Variants in LARGE1 observed in about 807,000 individuals in gnomAD.
LARGE1 encodes the protein xylosyl- and glucuronyltransferase LARGE1.
Under a neutral mutation model 87.6 loss-of-function variants are expected in LARGE1, and 43 were observed. The observed-to-expected ratio is 0.49, with a 90% confidence interval of 0.38 to 0.63. LARGE1 has a LOEUF of 0.63. Among genes scored for constraint, LARGE1 ranks in the 30% least tolerant of loss-of-function variants. The pLI is 0.00. For synonymous variants in LARGE1, 434 were observed against 394.6 expected (o/e 1.10, Z -1.18); for missense variants, 802 against 1,000.2 (o/e 0.80, Z 2.67).
At chr22:33,880,631 C>A (rs1166649209) in intron 1 of LARGE1, among the ~76,000 whole-genome samples, 1 of 152,176 alleles carries the variant, frequency 6.6e-6, no homozygotes, top group African/African-American at 2.4e-5. Context: ...CCACCCCACA[C>A]AAATGATGTG....
At chr22:33,703,520 A>T (rs2149377776) in intron 2 of LARGE1, among the ~76,000 whole-genome samples, 1 of 152,332 alleles carries the variant, frequency 6.6e-6, no homozygotes, top group East Asian at 1.9e-4. Context: ...TAGAGGTGGA[A>T]GATGATCCCA....
At chr22:33,908,054 A>T (rs773875195) in intron 1 of LARGE1, among the ~76,000 whole-genome samples, 1 of 152,130 alleles carries the variant, frequency 6.6e-6, no homozygotes, top group Admixed American at 6.5e-5. Context: ...ATTCCGGAAT[A>T]CTTTGAGAGG....
At chr22:33,233,182 GGA>G (rs1926092366) in intron 11 of LARGE1, among the ~76,000 whole-genome samples, 1 of 152,072 alleles carries the variant, frequency 6.6e-6, no homozygotes, top group South Asian at 2.1e-4. Context: ...TAGACTCTGG[GGA>G]GAGAGAGAAC....
chr22:33,666,303 C>G (rs1309606662), intron 2 of LARGE1, among the ~76,000 whole-genome samples: 1 of 152,174 alleles, frequency 6.6e-6, no homozygotes, highest in Admixed American at 6.5e-5. Context: ...TTATTACACT[C>G]AGAGGGCAAG....
At chr22:33,556,560 G>GAGGGAGGGAGGGAGGGAGGGAGGA (rs1213839317) in intron 6 of LARGE1, among the ~76,000 whole-genome samples, 1 of 76,858 alleles carries the variant, frequency 1.3e-5, no homozygotes, top group Admixed American at 1.3e-4. Context: ...GGGAGGGAGG[G>GAGGGAGGGAGGGAGGGAGGGAGGA]AGGGAGGCAG....
At chr22:33,877,466 T>G (rs1482865527) in intron 1 of LARGE1, among the ~76,000 whole-genome samples, 1 of 152,218 alleles carries the variant, frequency 6.6e-6, no homozygotes, top group Non-Finnish European at 1.5e-5. Context: ...CTTCATTGAA[T>G]GACTTTGGGC....
intron 9 of LARGE1, among the ~76,000 whole-genome samples, chr22:33,340,656 C>T (rs1939042073): frequency 1.3e-5 from 2 of 152,032 alleles, no homozygotes; most frequent in South Asian, 4.1e-4. Context: ...GTGGCCACTG[C>T]TCATGCCCTT....
chr22:33,474,414 C>T (rs1447383659), intron 6 of LARGE1, among the ~76,000 whole-genome samples: 2 of 152,180 alleles, frequency 1.3e-5, no homozygotes, highest in African/African-American at 2.4e-5. Flanking sequence ...CCACCTGCCT[C>T]GGCCTCCCAA....
At chr22:33,589,149 C>T (rs769647497) in intron 5 of LARGE1, among the ~76,000 whole-genome samples, 9 of 152,188 alleles carry the variant, frequency 5.9e-5, no homozygotes, top group African/African-American at 1.9e-4. Context: ...CTAGGGCCCA[C>T]GGCTAGGCTG....
At chr22:33,298,608 A>T (rs1162689568) in intron 12 of LARGE1, among the ~76,000 whole-genome samples, 2 of 152,206 alleles carry the variant, frequency 1.3e-5, no homozygotes, top group African/African-American at 2.4e-5. Context: ...GCACTGCTTG[A>T]GCCCAGGAGT....
chr22:33,128,895 T>A, the LARGE1 span, among the ~76,000 whole-genome samples: 12 of 151,812 alleles, frequency 7.9e-5, no homozygotes, highest in African/African-American at 2.9e-4. Context: ...AGCTGAACAA[T>A]GAGAACACAT....
At chr22:33,498,685 A>G (rs1193536038) in intron 6 of LARGE1, among the ~76,000 whole-genome samples, 1 of 152,214 alleles carries the variant, frequency 6.6e-6, no homozygotes, top group Non-Finnish European at 1.5e-5. Flanking sequence ...ATAAAAAATA[A>G]AACAGGCCAG....
At chr22:33,549,527 C>T (rs2077461557) in intron 6 of LARGE1, among the ~76,000 whole-genome samples, 3 of 152,250 alleles carry the variant, frequency 2.0e-5, no homozygotes, top group Admixed American at 2.0e-4. Flanking sequence ...GTGTATCCTT[C>T]TAGATCCAGG....
rs910718853 is a variant in LARGE1, at chr22:33,266,935, T to C, written c.1730+37294A>G. On this transcript the variant is annotated intron_variant, in intron 11 of 11. Coordinates refer to the LARGE1 transcript ENST00000608642. The stretch of plus-strand genomic sequence containing the variant: ...ATCTCACCAAGCCTCAGTTTCCTCG[T>C]CTAGTAAATAATATCTTCTCATGGC... Among the ~76,000 whole-genome samples the C allele has an allele frequency of 9.2e-5, 14 of 151,528 alleles. 1 individual carries two copies. The highest frequency in any genetic ancestry group is 3.4e-4 in the African/African-American group (14 of 40,938).
intron 1 of LARGE1, among the ~76,000 whole-genome samples, chr22:33,907,887 G>A (rs1016155551): frequency 3.9e-5 from 6 of 152,218 alleles, no homozygotes; most frequent in Non-Finnish European, 5.9e-5. Context: ...GTAAGCCACC[G>A]TGCCCGGCCT....
chr22:33,194,761 T>G (rs1449761331), intron 11 of LARGE1, among the ~76,000 whole-genome samples: 1 of 152,140 alleles, frequency 6.6e-6, no homozygotes, highest in Non-Finnish European at 1.5e-5. Flanking sequence ...GCTGGAAGAC[T>G]CCTAAACTTC....
intron 7 of LARGE1, among the ~76,000 whole-genome samples, chr22:33,423,008 A>AT (rs397722052): frequency 0.39 from 56,701 of 147,002 alleles, 11,241 homozygotes; most frequent in Non-Finnish European, 0.44. Flanking sequence ...TTTTAAAACC[A>AT]TTTTTTTTTT....
At chr22:33,238,802 C>T (rs1259158382) in intron 11 of LARGE1, among the ~76,000 whole-genome samples, 1 of 152,006 alleles carries the variant, frequency 6.6e-6, no homozygotes, top group African/African-American at 2.4e-5. Context: ...ACATACAGAA[C>T]CCTTTGTGAC....
chr22:33,776,984 AAG>A (rs1356536532), intron 1 of LARGE1, among the ~76,000 whole-genome samples: 1 of 152,184 alleles, frequency 6.6e-6, no homozygotes, highest in African/African-American at 2.4e-5. Flanking sequence ...GAGGGGCCTC[AAG>A]AGAGTGTACA....
Sources: allele counts gnomAD v4.1 joint callset (sites outside exome capture counted in the v4.1 genomes callset), GRCh38; gene constraint gnomAD v4.1.1; transcripts MANE v1.5; gene names NCBI Gene and HGNC (gene_info 2026-07-23, HGNC 2026-07-21).